PEAK1: variants seen among roughly 807,000 people sequenced by gnomAD.
PEAK1 encodes pseudopodium enriched atypical kinase 1.
Under a neutral mutation model 124.7 loss-of-function variants are expected in PEAK1, and 54 were observed. The observed-to-expected ratio is 0.43, with a 90% CI of 0.35 to 0.54. PEAK1 has a LOEUF of 0.54. Among genes scored for constraint, PEAK1 ranks in the 20% least tolerant of loss-of-function variants. The pLI, the probability that PEAK1 is intolerant of heterozygous loss-of-function variation, is 0.01. For synonymous variants in PEAK1, 719 were observed against 760.0 expected (o/e 0.95, Z 0.89); for missense variants, 2,046 against 2,134.5 (o/e 0.96, Z 0.82).
chr15:77,104,055 C>G (rs1438949694), downstream of PEAK1: 1 of 152,334 alleles, frequency 6.6e-6, no homozygotes, highest in Non-Finnish European at 1.5e-5. Flanking sequence ...TCCGCTGGCA[C>G]AAAAACAAGC....
intron 2 of PEAK1, chr15:77,337,133 A>G: frequency 2.0e-6 from 2 of 985,286 alleles, no homozygotes; most frequent in Non-Finnish European, 2.4e-6. Context: ...AGATGCCAAC[A>G]GTAAGAAGCA....
chr15:77,352,184 C>G (rs1045149485), intron 2 of PEAK1: 3 of 982,982 alleles, frequency 3.1e-6, no homozygotes, highest in Admixed American at 6.2e-5. Context: ...AGCCTCCAGC[C>G]TGGGTGACAG....
At chr15:77,371,932 A>C (rs1471669316) in intron 1 of PEAK1, among the ~76,000 whole-genome samples, 1 of 152,244 alleles carries the variant, frequency 6.6e-6, no homozygotes, top group Non-Finnish European at 1.5e-5. Flanking sequence ...TCACTTATTC[A>C]TCTTTGTATT....
chr15:77,235,370 T>C (rs961095647), intron 6 of PEAK1, among the ~76,000 whole-genome samples: 9 of 152,132 alleles, frequency 5.9e-5, no homozygotes, highest in South Asian at 2.1e-4. Flanking sequence ...AAAATGCTGA[T>C]AGTGATATGG....
intron 7 of PEAK1, among the ~76,000 whole-genome samples, chr15:77,166,742 T>C (rs145947468): frequency 0.011 from 1,616 of 152,344 alleles, 18 homozygotes; most frequent in South Asian, 0.033. Flanking sequence ...TAAGTGTTTG[T>C]CCTTTAAGCA....
chr15:77,290,444 G>C (rs1440179624), intron 2 of PEAK1, among the ~76,000 whole-genome samples: 1 of 152,060 alleles, frequency 6.6e-6, no homozygotes, highest in African/African-American at 2.4e-5. Context: ...GTAGAGACAG[G>C]GTTTCACCAT....
intron 1 of PEAK1, among the ~76,000 whole-genome samples, chr15:77,379,597 T>C (rs1481430238): frequency 6.6e-6 from 1 of 152,098 alleles, no homozygotes; most frequent in African/African-American, 2.4e-5. Context: ...GCTGCAAATA[T>C]TCTAGAAGTG....
intron 2 of PEAK1, among the ~76,000 whole-genome samples, chr15:77,308,224 A>G (rs1467189363): frequency 1.3e-5 from 2 of 152,100 alleles, no homozygotes; most frequent in Non-Finnish European, 2.9e-5. Context: ...ATACACATCT[A>G]TGTGACTTAA....
In PEAK1 at chr15:77,165,513, T is replaced by TG. The variant is rs202147405; in HGVS notation, c.3138-6818dup. On this transcript the variant is annotated intron_variant, in intron 7 of 9. Coordinates refer to ENST00000682557, the MANE Select transcript of PEAK1 (RefSeq NM_001385026.1). ...CGCCCGACCCTTGGAACAGCCTTTC[T>TG]GGGGCCCCGGACTTTTTTTCCCTAA... Among the ~76,000 whole-genome samples the TG allele has an allele frequency of 7.3e-3, 1,113 of 152,264 alleles. 15 individuals are homozygous for TG. Among genetic ancestry groups the TG allele is most frequent in the African/African-American group, 0.025 (1,057 of 41,552 alleles).
intron 6 of PEAK1, among the ~76,000 whole-genome samples, chr15:77,243,944 G>A (rs772650109): frequency 4.0e-5 from 6 of 151,564 alleles, no homozygotes; most frequent in Non-Finnish European, 7.4e-5. Flanking sequence ...CTCCAGCCTG[G>A]GCAACAGAAG....
chr15:77,119,466 C>T (rs143802163), intron 9 of PEAK1, among the ~76,000 whole-genome samples: 73 of 152,310 alleles, frequency 4.8e-4, no homozygotes, highest in African/African-American at 1.6e-3. Context: ...CTGAGCACTT[C>T]CCATCTGTAA....
rs987325886 is a variant in PEAK1 at position 77,253,253 on chromosome 15, G to GGT, written c.-274-728_-274-727insAC. ...TGAATTTTGGTATGCGTTGGGGGGG[G>GGT]GGTGGTCCTGGAGCCAATCTCCTGA... is the stretch of plus-strand genomic sequence containing the variant. On this transcript the variant is annotated intron_variant, in intron 5 of 9. Coordinates refer to ENST00000682557, the MANE Select transcript of PEAK1 (RefSeq NM_001385026.1). Among the ~76,000 whole-genome samples, 3 of 149,190 alleles carry GGT rather than the reference G, an allele frequency of 2.0e-5. 1 individual carries two copies. Among genetic ancestry groups the GGT allele is most frequent in the Non-Finnish European group, 4.5e-5 (3 of 66,942 alleles).
chr15:77,400,325 C>A (rs2071263480), intron 1 of PEAK1, among the ~76,000 whole-genome samples: 1 of 152,048 alleles, frequency 6.6e-6, no homozygotes, highest in Non-Finnish European at 1.5e-5. Flanking sequence ...ATACCCATAA[C>A]AAAGGAAATC....
At chr15:77,234,652 T>C (rs1235784202) in intron 6 of PEAK1, among the ~76,000 whole-genome samples, 1 of 152,056 alleles carries the variant, frequency 6.6e-6, no homozygotes, top group Non-Finnish European at 1.5e-5. Flanking sequence ...GGAGAGATAC[T>C]GAGATTACAG....
At chr15:77,357,867 A>G (rs568174803) in intron 2 of PEAK1, among the ~76,000 whole-genome samples, 1 of 152,182 alleles carries the variant, frequency 6.6e-6, no homozygotes, top group Non-Finnish European at 1.5e-5. Flanking sequence ...ATTTCTAATA[A>G]GCAAACTCTT....
Position 77,181,132 on chromosome 15 carries a change from G to A in PEAK1, c.795C>T (p.Arg265=). 6.2e-7 allele frequency: 1 copy of A among 1,614,194 alleles called. No homozygotes were observed. The highest frequency in any genetic ancestry group is 8.5e-7 in the Non-Finnish European group (1 of 1,180,018). The change falls in exon 7 of 10, where the codon CGC becomes CGT. Residue 265 remains arginine, a synonymous_variant. Transcript: ENST00000682557. ...SDEELLAMEI[R]MRGQPRFANF... ...TGGCAAAGCGAGGTTGCCCTCTCATGCGAATCTCCATGGCCAACAGCTCTT... is the reference window on the plus strand; with the variant it reads ...TGGCAAAGCGAGGTTGCCCTCTCATACGAATCTCCATGGCCAACAGCTCTT...
intron 2 of PEAK1, among the ~76,000 whole-genome samples, chr15:77,309,363 C>T (rs2064296338): frequency 6.6e-6 from 1 of 151,690 alleles, no homozygotes; most frequent in Non-Finnish European, 1.5e-5. Flanking sequence ...TCTGCACAGA[C>T]AGAAGGAATG....
intron 2 of PEAK1, chr15:77,352,766 A>T: frequency 1.0e-6 from 1 of 969,798 alleles, no homozygotes; most frequent in Non-Finnish European, 1.2e-6. Context: ...TAAGACAGAC[A>T]TACAAAAGTC....
chr15:77,226,899 T>C (rs1246523191), intron 6 of PEAK1, among the ~76,000 whole-genome samples: 2 of 152,178 alleles, frequency 1.3e-5, no homozygotes, highest in Non-Finnish European at 2.9e-5. Context: ...CTCATAGACC[T>C]AGGACTGGAT....
Sources: allele counts gnomAD v4.1 joint callset (sites outside exome capture counted in the v4.1 genomes callset), GRCh38; gene constraint gnomAD v4.1.1; transcripts MANE v1.5; gene names NCBI Gene and HGNC (gene_info 2026-07-23, HGNC 2026-07-21).